ZNF512B: variants seen among roughly 807,000 people sequenced by gnomAD.
ZNF512B encodes zinc finger protein 512B.
In ZNF512B, 22 loss-of-function variants were observed where a neutral mutation model predicts 87.8. That is an observed-to-expected ratio of 0.25 (90% confidence interval 0.18 to 0.36). The LOEUF is 0.36. Among genes scored for constraint, ZNF512B ranks in the 10% least tolerant of loss-of-function variants. The pLI is 1.00. For missense variants in ZNF512B, 1,060 were observed against 1,231.6 expected (o/e 0.86, Z 2.09); for synonymous variants, 524 against 490.9 (o/e 1.07, Z -0.89).
In ZNF512B at chr20:63,961,078, A is replaced by C. The variant is rs1310411725; in HGVS notation, c.2427+231T>G. Among the ~76,000 whole-genome samples the C allele has an allele frequency of 1.3e-5, 2 of 152,210 alleles. No individual in the cohort carries two copies. Among genetic ancestry groups the C allele is most frequent in the Non-Finnish European group, 2.9e-5 (2 of 68,020 alleles). On this transcript the variant is annotated intron_variant, in intron 16 of 16. Coordinates refer to ENST00000369888, the MANE Select transcript of ZNF512B (RefSeq NM_020713.3). This position sits in a 1 kb window ranked among gnomAD's most constrained non-coding sequence, Gnocchi z 6.4. ...TGCAGCAGGGCTGCTGGGGGCTGGA[A>C]AGGCGGACACCCCGAGGGCAGCTCC...
At position 63,966,214 on chromosome 20, in the gene ZNF512B, A is replaced by C. The variant is rs146666443; in HGVS notation, c.961T>G (p.Cys321Gly). The C allele has an allele frequency of 8.1e-6, 13 of 1,613,802 alleles. No homozygotes were observed. Among genetic ancestry groups the C allele is most frequent in the Middle Eastern group, 1.6e-4 (1 of 6,084 alleles). The part of the protein sequence containing the change: ...PIAISRHTPP[C>G]KMVLLTRSEN... ...GACCTGGTCAGCAGCACCATTTTGCAGGGCGGTGTGTGTCTGCTGATAGCA... is the reference window on the plus strand; with the variant it reads ...GACCTGGTCAGCAGCACCATTTTGCCGGGCGGTGTGTGTCTGCTGATAGCA... Residue 321 changes from cysteine to glycine, a missense_variant, in exon 5 of 17, where the codon TGC (cysteine) becomes GGC (glycine). Cys to Gly is a radical substitution (Grantham distance 159). Around this residue, in one of 9 missense-constraint regions of ZNF512B, gnomAD observed 201 missense variants for 226.8 expected, o/e 0.89. Transcript: ENST00000369888.
rs1438457763 is a variant in ZNF512B at position 63,957,437 on chromosome 20, G to A, written c.*2451C>T. 1.3e-5 allele frequency: 2 copies of A among 152,492 alleles called. No individual in the cohort carries two copies. The highest frequency in any genetic ancestry group is 4.8e-5 in the African/African-American group (2 of 41,434). 9.4% of individuals were successfully genotyped at this position (152,492 alleles called of 1,614,324 possible). ...CCAGCGTAGGGAGTGGGCAGACCCTGCTGAGCTCCACCCAGGGCCCCACCC... is the reference window on the plus strand; with the variant it reads ...CCAGCGTAGGGAGTGGGCAGACCCTACTGAGCTCCACCCAGGGCCCCACCC... On this transcript the variant is annotated 3_prime_UTR_variant, in exon 17 of 17. Coordinates refer to ENST00000369888, the MANE Select transcript of ZNF512B (RefSeq NM_020713.3).
Position 63,963,368 on chromosome 20 carries a change from T to C in ZNF512B, c.1771A>G (p.Met591Val), listed in dbSNP as rs1402706003. Residue 591 changes from methionine to valine, a missense_variant, in exon 11 of 17, where the codon ATG becomes GTG. Met to Val is a conservative substitution (Grantham distance 21, BLOSUM62 1). Coordinates refer to ENST00000369888, the MANE Select transcript of ZNF512B (RefSeq NM_020713.3). ...TCCTGGGGGCAGCGCAGCCGTCCCATCTGCTTCAGCACCTTGCGCAGCCTC... is the reference window on the plus strand; with the variant it reads ...TCCTGGGGGCAGCGCAGCCGTCCCACCTGCTTCAGCACCTTGCGCAGCCTC... Reference protein sequence around the residue: ...RERLRKVLKQMGRLRCPQEGC... With the variant: ...RERLRKVLKQVGRLRCPQEGC... 6.5e-7 allele frequency: 1 copy of C among 1,547,006 alleles called. No individual in the cohort carries two copies. The highest frequency in any genetic ancestry group is 1.2e-5 in the South Asian group (1 of 84,670).
At chr20:63,960,249 T>C (rs918081666) in intron 16 of ZNF512B, 110 bp from the exon 17 acceptor site, 10 of 1,477,008 alleles carry the variant, frequency 6.8e-6, no homozygotes, top group Non-Finnish European at 8.2e-6. Context: ...GGCAAGCACC[T>C]GCAGCAGGGC....
Position 63,961,811 on chromosome 20 carries a change from G to T in ZNF512B, c.2328+131C>A. 1.0e-6 allele frequency: 1 copy of T among 962,046 alleles called. No homozygotes were observed. The highest frequency in any genetic ancestry group is 1.6e-6 in the Non-Finnish European group (1 of 635,692). 59.6% of individuals were successfully genotyped at this position (962,046 alleles called of 1,614,324 possible). On this transcript the variant is annotated intron_variant, in intron 15 of 16. Transcript: ENST00000369888. This position sits in a 1 kb window ranked among gnomAD's most constrained non-coding sequence, Gnocchi z 6.4. ...CCACCGGCCAGTCTCTGGGTTCGTG[G>T]AAGAGGAGGCCACGTAGAAAAAGTA... is the stretch of plus-strand genomic sequence containing the variant.
chr20:63,962,210 G>A (rs2058860213), intron 14 of ZNF512B, 63 bp downstream of exon 14: 16 of 1,506,556 alleles, frequency 1.1e-5, no homozygotes, highest in South Asian at 2.5e-5. Flanking sequence ...TGCTCAGAGG[G>A]CCACACCCAG....
chr20:63,957,663 T>G lies in ZNF512B; in HGVS notation c.*2225A>C, dbSNP rs1274837016. The G allele has an allele frequency of 6.5e-6, 1 of 152,698 alleles. No homozygotes were observed. Among genetic ancestry groups the G allele is most frequent in the Non-Finnish European group, 1.5e-5 (1 of 68,274 alleles). 9.5% of individuals were successfully genotyped at this position (152,698 alleles called of 1,614,324 possible). A position where few individuals can be genotyped will look rare whatever the true frequency, so the allele number is the denominator to read the frequency against. The stretch of plus-strand genomic sequence containing the variant: ...TGGGCTTTGGGAGTGTCCCGGAAAC[T>G]CACCCCCAGCAAAAACCAGACCCTC... On this transcript the variant is annotated 3_prime_UTR_variant, in exon 17 of 17. Coordinates refer to ENST00000369888, the MANE Select transcript of ZNF512B (RefSeq NM_020713.3).
chr20:63,961,287 G>T lies in ZNF512B; in HGVS notation c.2427+22C>A. 1 of 1,609,554 alleles carries T rather than the reference G, an allele frequency of 6.2e-7. No individual in the cohort carries two copies. On this transcript the variant is annotated intron_variant, in intron 16 of 16. Transcript: ENST00000369888. The surrounding 1 kb of genome is among the most constrained non-coding windows in gnomAD (Gnocchi z 6.4). ...CTCCTGGGCTAGCCCCCAGCCACAG[G>T]CCCTGGTGATGGCCCTCGCACCTCT...
chr20:63,962,886 G>A (rs1302088929), intron 12 of ZNF512B, 105 bp from the exon 13 acceptor site: 1 of 1,318,220 alleles, frequency 7.6e-7, no homozygotes, highest in African/African-American at 1.5e-5. Context: ...AGGCCTCCCA[G>A]TGTGCTGGGG....
intron 16 of ZNF512B, among the ~76,000 whole-genome samples, chr20:63,960,508 GC>G: frequency 7.3e-6 from 1 of 136,632 alleles, no homozygotes; most frequent in Non-Finnish European, 1.6e-5. Flanking sequence ...GGCACCTGCC[GC>G]AGGGCTGGAC....
intron 5 of ZNF512B, 29 bp downstream of exon 5, chr20:63,966,112 C>T (rs551079372): frequency 2.8e-6 from 1 of 358,584 alleles, no homozygotes; most frequent in Non-Finnish European, 4.3e-6. Flanking sequence ...TACCACTGTT[C>T]CTCCCCGACC....
intron 5 of ZNF512B, among the ~76,000 whole-genome samples, chr20:63,965,678 G>A (rs1438332777): frequency 5.9e-5 from 1 of 16,926 alleles, no homozygotes; most frequent in East Asian, 6.2e-4. Flanking sequence ...CCTGACCTGG[G>A]ACGAGCCCCC....
Position 63,964,535 on chromosome 20 carries a change from C to G in ZNF512B, c.1216G>C (p.Gly406Arg), listed in dbSNP as rs6089783. Residue 406 changes from glycine to arginine, a missense_variant, in exon 6 of 17, where the codon GGC becomes CGC. Gly to Arg is a moderately radical substitution (Grantham distance 125, BLOSUM62 -2). This residue lies in a region of ZNF512B where 212 missense variants were observed against 207.6 expected (regional missense o/e 1.02). Coordinates refer to ENST00000369888, the MANE Select transcript of ZNF512B (RefSeq NM_020713.3). The stretch of plus-strand genomic sequence containing the variant: ...TCCTCCTCAGGCGGGGACGCAGGGC[C>G]TGCAGCCTTCAGTGCCTCCATGCCC... ...SGGMEALKAAGPASPPEEDPE... is the reference protein window; with the variant it reads ...SGGMEALKAARPASPPEEDPE... 6 of 1,612,718 alleles carry G rather than the reference C, an allele frequency of 3.7e-6. No individual in the cohort carries two copies. The Admixed American group carries it at 1.0e-4, about 27-fold the overall frequency.
intron 14 of ZNF512B, 112 bp downstream of exon 14, chr20:63,962,161 G>T: frequency 7.6e-7 from 1 of 1,309,580 alleles, no homozygotes; most frequent in African/African-American, 1.4e-5. Context: ...GGCCTGGGGT[G>T]GGCTTGGGCA....
At chr20:63,968,503 G>A (rs896433603) in intron 1 of ZNF512B, among the ~76,000 whole-genome samples, 12 of 152,284 alleles carry the variant, frequency 7.9e-5, no homozygotes, top group African/African-American at 2.6e-4. Flanking sequence ...CTGACTTGAT[G>A]CAATGCCAGC....
In ZNF512B at chr20:63,957,698, C is replaced by T. The variant is rs1221742897; in HGVS notation, c.*2190G>A. The T allele has an allele frequency of 1.3e-5, 2 of 152,666 alleles. No individual in the cohort carries two copies. Among genetic ancestry groups the T allele is most frequent in the Non-Finnish European group, 2.9e-5 (2 of 68,230 alleles). 9.5% of individuals were successfully genotyped at this position (152,666 alleles called of 1,614,324 possible). On this transcript the variant is annotated 3_prime_UTR_variant, in exon 17 of 17. Transcript: ENST00000369888. ...CAAAAACCAGACCCTCTTCTCTTCT[C>T]CCCAAGGGCCAAGTACCTGAGAGGC...
chr20:63,963,209 G>T lies in ZNF512B; in HGVS notation c.1854C>A (p.Cys618Ter). Residue 618 changes from cysteine (C) to a stop codon, truncating the protein, a stop_gained, in exon 12 of 17, where the codon TGC (cysteine) becomes TGA (stop). Coordinates refer to ENST00000369888, the MANE Select transcript of ZNF512B (RefSeq NM_020713.3). LOFTEE classifies it high-confidence loss of function. Reference protein sequence around the residue: ...LMGYQYHQRRCGKPPCEVDSP... With the variant: ...LMGYQYHQRR ...TGTCCACCTCGCAGGGCGGCTTCCC[G>T]CAGCGCCGCTGGTGGTACTGGTAGC... 6.5e-7 allele frequency: 1 copy of T among 1,546,938 alleles called. No homozygotes were observed.
rs942789892 is a variant in ZNF512B, at chr20:63,963,431, C to A, written c.1708G>T (p.Ala570Ser). The change falls in exon 11 of 17, where the codon GCC (alanine) becomes TCC (serine). Residue 570 changes from alanine (A) to serine (S), a missense_variant. This residue lies in a region of ZNF512B where 165 missense variants were observed against 173.0 expected (regional missense o/e 0.95). Coordinates refer to ENST00000369888, the MANE Select transcript of ZNF512B (RefSeq NM_020713.3). ...MAEHSAKPSD[A>S]EASEGGEQEE... is the part of the protein sequence containing the mutation. ...TGCTCGCCCCCTTCGGAGGCCTCGG[C>A]GTCAGAGGGCTGGGGACAGGGTGAG... 1 of 1,547,926 alleles carries A rather than the reference C, an allele frequency of 6.5e-7. No individual in the cohort carries two copies. The highest frequency in any genetic ancestry group is 1.2e-5 in the South Asian group (1 of 85,058).
intron 14 of ZNF512B, 80 bp downstream of exon 14, chr20:63,962,193 C>T: frequency 6.8e-7 from 1 of 1,463,750 alleles, no homozygotes; most frequent in Middle Eastern, 2.4e-4. Flanking sequence ...CTCTCAGCCT[C>T]TGTTCCTGCT....
Sources: gnomAD v4.1 joint callset for allele counts (sites outside exome capture counted in the v4.1 genomes callset) on GRCh38, gnomAD v4.1.1 for gene constraint, gnomAD v4.1.1 regional missense constraint, Gnocchi (gnomAD v3.1) non-coding constraint, MANE v1.5 for transcripts, NCBI Gene and HGNC (gene_info 2026-07-23, HGNC 2026-07-21) for gene names.